CCDC73: variants seen among roughly 807,000 people sequenced by gnomAD.
CCDC73 encodes the protein coiled-coil domain containing 73.
In CCDC73, 95 loss-of-function variants were observed where a neutral mutation model predicts 116.5. The ratio of observed to expected loss-of-function variants is 0.82; its 90% CI spans 0.69 to 0.97. The LOEUF is 0.97. Among genes scored for constraint, CCDC73 ranks in the 50% least tolerant of loss-of-function variants. The pLI is 0.00. For missense variants in CCDC73, 1,066 were observed against 1,206.8 expected (o/e 0.88, Z 1.73); for synonymous variants, 398 against 401.3 (o/e 0.99, Z 0.10).
intron 3 of CCDC73, among the ~76,000 whole-genome samples, chr11:32,706,778 G>A (rs576676898): frequency 1.1e-4 from 17 of 152,142 alleles, no homozygotes; most frequent in South Asian, 2.1e-4. Context: ...TGCCAACCTC[G>A]GTTCCCCAAA....
chr11:32,775,141 T>C (rs1243835018), intron 1 of CCDC73, among the ~76,000 whole-genome samples: 1 of 152,222 alleles, frequency 6.6e-6, no homozygotes, highest in Non-Finnish European at 1.5e-5. Flanking sequence ...AGATGATTTC[T>C]TTGCCACTCA....
rs1398731815 is a variant in CCDC73, at chr11:32,763,222, TC to T, written c.-15-2965del. On this transcript the variant is annotated intron_variant, in intron 1 of 17. Coordinates refer to ENST00000335185, the MANE Select transcript of CCDC73 (RefSeq NM_001008391.4). ...CAGCAACCTCTGCAGATTTCACTGT[TC>T]CTGTCTGACAGCTTTGAAGAGAGTA... 2.6e-5 allele frequency among the ~76,000 whole-genome samples: 4 copies of T among 152,308 alleles called. No individual in the cohort carries two copies. The East Asian group carries it at 5.8e-4, about 22-fold the overall frequency.
intron 12 of CCDC73, among the ~76,000 whole-genome samples, chr11:32,649,740 C>CT (rs1186024326): frequency 6.6e-6 from 1 of 152,130 alleles, no homozygotes; most frequent in African/African-American, 2.4e-5. Flanking sequence ...CATCAAATGT[C>CT]TTTTCTTATA....
intron 14 of CCDC73, among the ~76,000 whole-genome samples, chr11:32,625,846 A>G (rs923794614): frequency 1.3e-5 from 2 of 151,786 alleles, no homozygotes; most frequent in Non-Finnish European, 2.9e-5. Flanking sequence ...AATAAGAGCT[A>G]TCTATGACAA....
intron 1 of CCDC73, among the ~76,000 whole-genome samples, chr11:32,761,476 G>A (rs1850391433): frequency 1.3e-5 from 2 of 152,114 alleles, no homozygotes; most frequent in Admixed American, 1.3e-4. Flanking sequence ...TGGGTTGAGT[G>A]AATATTGAGT....
rs1300164597 is a variant in CCDC73 at position 32,611,148 on chromosome 11, G to A, written c.3014C>T (p.Ser1005Phe). 1 of 1,613,826 alleles carries A rather than the reference G, an allele frequency of 6.2e-7. No individual in the cohort carries two copies. The highest frequency in any genetic ancestry group is 1.1e-5 in the South Asian group (1 of 91,026). ...TTGACTTACATGTTCTGTGGGAAAA[G>A]AGGAATCATAAAAAGTCTTTGCCAT... ...NAMAKTFYDS[S>F]FPTEHVKTKP... Residue 1005 changes from serine (S) to phenylalanine (F), a missense_variant, in exon 17 of 18, where the codon TCT (serine) becomes TTT (phenylalanine). Transcript: ENST00000335185.
rs1370412819 is a variant in CCDC73, at chr11:32,611,138, T to G, written c.3024A>C (p.Thr1008=). ...AKTFYDSSFP[T]EHVKTKPLIS... ...ATATTTTTAATTGACTTACATGTTC[T>G]GTGGGAAAAGAGGAATCATAAAAAG... The change falls in exon 17 of 18, where the codon ACA becomes ACC. Residue 1008 remains threonine (T), a synonymous_variant. Transcript: ENST00000335185. 3 of 1,613,786 alleles carry G rather than the reference T, an allele frequency of 1.9e-6. No homozygotes were observed. The highest frequency in any genetic ancestry group is 2.5e-6 in the Non-Finnish European group (3 of 1,179,828).
intron 1 of CCDC73, among the ~76,000 whole-genome samples, chr11:32,781,647 G>A (rs1850585597): frequency 1.3e-5 from 2 of 152,176 alleles, no homozygotes; most frequent in Non-Finnish European, 2.9e-5. Flanking sequence ...TGACAAAACT[G>A]AGCCTCTGGA....
At chr11:32,743,393 C>A (rs2133359316) in intron 2 of CCDC73, among the ~76,000 whole-genome samples, 1 of 152,150 alleles carries the variant, frequency 6.6e-6, no homozygotes, top group South Asian at 2.1e-4. Flanking sequence ...GTGTGTAGGT[C>A]CACACAACTA....
At chr11:32,627,762 T>C (rs1257067226) in intron 14 of CCDC73, among the ~76,000 whole-genome samples, 3 of 152,018 alleles carry the variant, frequency 2.0e-5, no homozygotes, top group Admixed American at 6.6e-5. Flanking sequence ...TAGGTGGGAA[T>C]TGAACAATGA....
At chr11:32,786,841 G>A (rs1253050940) in intron 1 of CCDC73, among the ~76,000 whole-genome samples, 1 of 152,080 alleles carries the variant, frequency 6.6e-6, no homozygotes, top group Non-Finnish European at 1.5e-5. Context: ...AATTATTTAA[G>A]TTATTTAATT....
At chr11:32,704,826 A>T (rs1448237510) in intron 3 of CCDC73, among the ~76,000 whole-genome samples, 1 of 152,080 alleles carries the variant, frequency 6.6e-6, no homozygotes, top group Non-Finnish European at 1.5e-5. Flanking sequence ...AGCCAGACTC[A>T]GACACTCATC....
chr11:32,651,420 A>C (rs1047104117), intron 12 of CCDC73, among the ~76,000 whole-genome samples: 24 of 152,280 alleles, frequency 1.6e-4, no homozygotes, highest in African/African-American at 5.5e-4. Flanking sequence ...ACCCCAACAA[A>C]AGAGTAAAGG....
intron 2 of CCDC73, 40 bp downstream of exon 2, chr11:32,760,069 G>C (rs1481646627): frequency 9.2e-6 from 14 of 1,521,822 alleles, no homozygotes; most frequent in Non-Finnish European, 1.2e-5. Context: ...ACAAAATCAA[G>C]TTTTCTTATT....
At chr11:32,655,595 G>A (rs796146416) in intron 9 of CCDC73, among the ~76,000 whole-genome samples, 18 of 152,266 alleles carry the variant, frequency 1.2e-4, no homozygotes, top group African/African-American at 4.1e-4. Context: ...GAGCTAATGT[G>A]TTATTTCAGG....
chr11:32,830,363 G>T, the CCDC73 span: 4 of 836,398 alleles, frequency 4.8e-6, no homozygotes, highest in Non-Finnish European at 6.6e-6. Context: ...CTGGGCGCGC[G>T]TCGGGTTCCG....
intron 2 of CCDC73, among the ~76,000 whole-genome samples, chr11:32,756,703 C>G (rs1850347034): frequency 6.6e-6 from 1 of 151,618 alleles, no homozygotes; most frequent in South Asian, 2.1e-4. Context: ...AGAATCAGTC[C>G]CATCCAGGCT....
intron 15 of CCDC73, among the ~76,000 whole-genome samples, chr11:32,615,356 G>A (rs201903): frequency 0.43 from 65,887 of 151,790 alleles, 14,715 homozygotes; most frequent in African/African-American, 0.49. Flanking sequence ...TACTACCTAG[G>A]TCCAGCAGTA....
chr11:32,786,836 T>C (rs920553195), intron 1 of CCDC73, among the ~76,000 whole-genome samples: 11 of 152,232 alleles, frequency 7.2e-5, no homozygotes, highest in African/African-American at 2.4e-4. Context: ...ACTTAAATTA[T>C]TTAAGTTATT....
Sources: gnomAD v4.1 joint callset for allele counts (sites outside exome capture counted in the v4.1 genomes callset) on GRCh38, gnomAD v4.1.1 for gene constraint, MANE v1.5 for transcripts, NCBI Gene and HGNC (gene_info 2026-07-23, HGNC 2026-07-21) for gene names.